ACACA: variants seen among roughly 807,000 people sequenced by gnomAD.
ACACA encodes the protein acetyl-CoA carboxylase 1.
Under a neutral mutation model 296.1 loss-of-function variants are expected in ACACA, and 103 were observed. The observed-to-expected ratio is 0.35, with a 90% CI of 0.30 to 0.41. ACACA has a LOEUF of 0.41. Ranked by LOEUF, ACACA falls within the 10% of genes least tolerant of loss-of-function variation. The pLI is 1.00. For missense variants in ACACA, 1,554 were observed against 2,989.7 expected, an observed-to-expected ratio of 0.52 and a Z score of 11.20; for synonymous variants, 953 against 1,038.6, an observed-to-expected ratio of 0.92 and a Z score of 1.58.
intron 3 of ACACA, among the ~76,000 whole-genome samples, chr17:37,300,017 G>A (rs1261443141): frequency 6.6e-6 from 1 of 152,190 alleles, no homozygotes; most frequent in Non-Finnish European, 1.5e-5. Context: ...AATCAAGTGT[G>A]AGCCACGATT....
chr17:37,222,436 CAA>C (rs963455386), intron 28 of ACACA, among the ~76,000 whole-genome samples: 3 of 151,882 alleles, frequency 2.0e-5, no homozygotes, highest in African/African-American at 7.3e-5. Context: ...GAACTTGACT[CAA>C]GAGTTAAAGG....
At position 37,224,988 on chromosome 17, in the gene ACACA, ATAC is replaced by A; in HGVS notation, c.3474+1_3474+3del. Reference sequence around the variant, plus strand: ...GGGTTATATATATATATATATATATATACCTGCAGGTTCTCAATGCAAAATTGA... The same window carrying A: ...GGGTTATATATATATATATATATATACTGCAGGTTCTCAATGCAAAATTGA... On this transcript the variant is annotated splice_donor_variant and splice_donor_region_variant and intron_variant, in intron 27 of 55. Transcript: ENST00000616317. LOFTEE classifies it high-confidence loss of function. 1 of 1,370,630 alleles carries A rather than the reference ATAC, an allele frequency of 7.3e-7. No homozygotes were observed. Among genetic ancestry groups the A allele is most frequent in the Non-Finnish European group, 1.0e-6 (1 of 960,678 alleles). 84.9% of individuals were successfully genotyped at this position (1,370,630 alleles called of 1,614,324 possible). A position where few individuals can be genotyped will look rare whatever the true frequency, so the allele number is the denominator to read the frequency against.
chr17:37,144,413 C>T (rs1246856986), intron 45 of ACACA: 2 of 342,818 alleles, frequency 5.8e-6, no homozygotes, highest in African/African-American at 4.3e-5. Context: ...TGCTGCCCGC[C>T]CCACAGTGAG....
chr17:37,099,348 G>C (rs923986217), intron 52 of ACACA, among the ~76,000 whole-genome samples: 5 of 152,186 alleles, frequency 3.3e-5, no homozygotes, highest in African/African-American at 1.2e-4. Context: ...CCTCAGTAGT[G>C]TTCCTTCCAA....
chr17:37,335,115 A>C (rs2048055915), intron 2 of ACACA, among the ~76,000 whole-genome samples: 1 of 152,028 alleles, frequency 6.6e-6, no homozygotes, highest in Non-Finnish European at 1.5e-5. Flanking sequence ...CCTACAAAGG[A>C]CTAGATCTCT....
chr17:37,103,620 C>A (rs775450872), intron 52 of ACACA, among the ~76,000 whole-genome samples: 14 of 151,952 alleles, frequency 9.2e-5, no homozygotes, highest in Non-Finnish European at 1.9e-4. Context: ...CCTTTCCTAT[C>A]CAAAATAAAA....
intron 3 of ACACA, among the ~76,000 whole-genome samples, chr17:37,293,454 G>C (rs1334993365): frequency 6.6e-6 from 1 of 151,044 alleles, no homozygotes; most frequent in African/African-American, 2.4e-5. Context: ...TCCACAATTT[G>C]TAGAAACATA....
At chr17:37,207,578 C>T (rs1303594680) in intron 31 of ACACA, 79 bp downstream of exon 31, 1 of 1,555,972 alleles carries the variant, frequency 6.4e-7, no homozygotes, top group Admixed American at 1.7e-5. Context: ...GACCTTTATT[C>T]ATTTTGCAGA....
intron 1 of ACACA, among the ~76,000 whole-genome samples, chr17:37,390,239 ATATTATATATATAT>A (rs2050760541): frequency 2.0e-5 from 1 of 49,600 alleles, no homozygotes; most frequent in African/African-American, 1.4e-4. Flanking sequence ...TATATATAAT[ATATTATATATATAT>A]TATATATAAT....
At chr17:37,239,816 T>C (rs2080301091) in intron 24 of ACACA, among the ~76,000 whole-genome samples, 1 of 152,254 alleles carries the variant, frequency 6.6e-6, no homozygotes, top group African/African-American at 2.4e-5. Context: ...TGGCATAGGC[T>C]GCTTTTAAAG....
intron 1 of ACACA, among the ~76,000 whole-genome samples, chr17:37,367,383 T>C (rs2049646464): frequency 6.6e-6 from 1 of 152,118 alleles, no homozygotes; most frequent in African/African-American, 2.4e-5. Context: ...TTCTTGGTAT[T>C]GGCAGTGTCA....
chr17:37,270,178 G>A (rs2146385135), intron 10 of ACACA, among the ~76,000 whole-genome samples: 1 of 152,320 alleles, frequency 6.6e-6, no homozygotes, highest in South Asian at 2.1e-4. Context: ...GCCTGCCATA[G>A]GGTTCCTGTG....
At chr17:37,235,134 G>A (rs771601296) in intron 24 of ACACA, 35 bp from the exon 25 acceptor site, 17 of 1,611,278 alleles carry the variant, frequency 1.1e-5, no homozygotes, top group Admixed American at 5.0e-5. Flanking sequence ...TCTCACCCAT[G>A]TATAAATGTT....
At chr17:37,186,599 G>A (rs537055136) in intron 39 of ACACA, among the ~76,000 whole-genome samples, 18 of 152,288 alleles carry the variant, frequency 1.2e-4, no homozygotes, top group South Asian at 2.1e-4. Context: ...CAGTTCCCAC[G>A]TCTAGCCACA....
chr17:37,237,122 GAATC>G (rs546217737), intron 24 of ACACA, among the ~76,000 whole-genome samples: 428 of 152,122 alleles, frequency 2.8e-3, no homozygotes, highest in Non-Finnish European at 4.1e-3. Flanking sequence ...GAAAAAAATG[GAATC>G]ACTGTACCAT....
intron 3 of ACACA, among the ~76,000 whole-genome samples, chr17:37,318,359 C>A (rs1049144840): frequency 2.6e-5 from 4 of 152,176 alleles, no homozygotes; most frequent in African/African-American, 9.7e-5. Context: ...TCTTATGCTT[C>A]AGCCTCCCAA....
rs1328809677 is a variant in ACACA, at chr17:37,202,688, TATATATATATATATATATATATATACAC to T, written c.4057-2233_4057-2206del. 3.1e-3 allele frequency among the ~76,000 whole-genome samples: 62 copies of T among 19,836 alleles called. 2 individuals carry two copies. In the East Asian group the frequency reaches 0.035, roughly 11 times the overall value. The allele number at this position is 19,836 out of a possible 152,430, so 13.0% of individuals were successfully genotyped here. On this transcript the variant is annotated intron_variant, in intron 33 of 55. Transcript: ENST00000616317. ...TCTTTCATATATATATATATATATA[TATATATATATATATATATATATATACAC>T]ACACACATATATTTTAACAAGGAGA...
chr17:37,390,188 T>A (rs1338168660), intron 1 of ACACA, among the ~76,000 whole-genome samples: 1 of 50,940 alleles, frequency 2.0e-5, no homozygotes, highest in African/African-American at 9.5e-5. Flanking sequence ...ACACACACAT[T>A]ATATATAAAT....
chr17:37,359,632 A>G (rs2049323709), intron 1 of ACACA, among the ~76,000 whole-genome samples: 2 of 152,140 alleles, frequency 1.3e-5, no homozygotes, highest in African/African-American at 4.8e-5. Flanking sequence ...AGGCGGGGAA[A>G]GGGAACCCAG....
Sources: allele counts gnomAD v4.1 joint callset (sites outside exome capture counted in the v4.1 genomes callset), GRCh38; gene constraint gnomAD v4.1.1; transcripts MANE v1.5; gene names NCBI Gene and HGNC (gene_info 2026-07-23, HGNC 2026-07-21).